UNC79: variants seen among roughly 807,000 people sequenced by gnomAD.
UNC79 encodes the protein unc-79 subunit of NALCN channel complex.
A neutral mutation model predicts 283.1 loss-of-function variants in UNC79; 37 were observed. The observed-to-expected ratio is 0.13, with a 90% CI of 0.10 to 0.17. UNC79 has a LOEUF of 0.17. Ranked by LOEUF, UNC79 falls within the 10% of genes least tolerant of loss-of-function variation. The probability of loss-of-function intolerance (pLI) is 1.00; values close to 1 mark genes in which losing one functional copy is unlikely to be tolerated. For missense variants in UNC79, 2,272 were observed against 3,211.1 expected, an observed-to-expected ratio of 0.71 and a Z score of 7.07; for synonymous variants, 1,107 against 1,200.2, an observed-to-expected ratio of 0.92 and a Z score of 1.61.
chr14:93,675,439 T>C (rs1305972178), intron 41 of UNC79, among the ~76,000 whole-genome samples: 1 of 151,768 alleles, frequency 6.6e-6, no homozygotes, highest in African/African-American at 2.4e-5. Context: ...AATTTAGCAA[T>C]TGAAGTTGAC....
chr14:93,603,461 T>A (rs769254502), intron 26 of UNC79, 43 bp downstream of exon 26: 1 of 1,592,460 alleles, frequency 6.3e-7, no homozygotes, highest in Non-Finnish European at 8.6e-7. Context: ...CTGTTTAATG[T>A]CTTTCTGAGG....
intron 1 of UNC79, among the ~76,000 whole-genome samples, chr14:93,463,966 G>A (rs948739350): frequency 5.3e-5 from 8 of 152,114 alleles, no homozygotes; most frequent in East Asian, 1.9e-4. Flanking sequence ...TGGCTAACAC[G>A]GTGAAACCCC....
intron 4 of UNC79, among the ~76,000 whole-genome samples, chr14:93,481,489 AT>A (rs2058139046): frequency 6.6e-6 from 1 of 152,190 alleles, no homozygotes; most frequent in South Asian, 2.1e-4. Context: ...AAGCTGAACA[AT>A]TATATCAGCT....
chr14:93,604,754 A>C (rs372631985), intron 26 of UNC79, 142 bp from the exon 27 acceptor site: 1 of 833,076 alleles, frequency 1.2e-6, no homozygotes, highest in Non-Finnish European at 1.7e-6. Flanking sequence ...CGTTTGTTAC[A>C]TAAACAACTT....
At chr14:93,547,557 C>T (rs1329538503) in intron 14 of UNC79, among the ~76,000 whole-genome samples, 1 of 152,126 alleles carries the variant, frequency 6.6e-6, no homozygotes, top group African/African-American at 2.4e-5. Flanking sequence ...ATTTATTTAA[C>T]CTATATGACA....
At chr14:93,696,786 T>A (rs571246211) in intron 47 of UNC79, among the ~76,000 whole-genome samples, 7 of 152,334 alleles carry the variant, frequency 4.6e-5, no homozygotes, top group African/African-American at 1.7e-4. Flanking sequence ...ATTTACCAAT[T>A]TTTTTCTTTT....
intron 1 of UNC79, among the ~76,000 whole-genome samples, chr14:93,412,330 A>C (rs1307418883): frequency 6.6e-6 from 1 of 152,086 alleles, no homozygotes; most frequent in Non-Finnish European, 1.5e-5. Flanking sequence ...TATTGGCCTT[A>C]AAGAGGAGGT....
chr14:93,464,439 C>G, intron 1 of UNC79: 2 of 440,874 alleles, frequency 4.5e-6, no homozygotes, highest in South Asian at 3.2e-5. Context: ...CTTAAAAGGA[C>G]AGCAGTCAGA....
At chr14:93,600,449 GT>G in intron 24 of UNC79, 119 bp from the exon 25 acceptor site, 2 of 650,374 alleles carry the variant, frequency 3.1e-6, no homozygotes, top group Non-Finnish European at 5.1e-6. Flanking sequence ...TACATTATAA[GT>G]TTGAATTGAG....
chr14:93,491,333 TTATA>T (rs548135483), intron 5 of UNC79, among the ~76,000 whole-genome samples: 2 of 151,782 alleles, frequency 1.3e-5, no homozygotes, highest in African/African-American at 4.8e-5. Context: ...AAATTATATC[TTATA>T]TATCTGTCTG....
chr14:93,454,305 A>C (rs998264464), intron 1 of UNC79, among the ~76,000 whole-genome samples: 1 of 152,174 alleles, frequency 6.6e-6, no homozygotes, highest in Non-Finnish European at 1.5e-5. Flanking sequence ...TCAGCCTCCC[A>C]AAGTGCTGGG....
intron 7 of UNC79, among the ~76,000 whole-genome samples, chr14:93,499,979 T>C (rs889587375): frequency 1.3e-5 from 2 of 151,884 alleles, no homozygotes; most frequent in Non-Finnish European, 2.9e-5. Flanking sequence ...TAGCCAGACA[T>C]TGGAGTGAGA....
intron 16 of UNC79, 130 bp downstream of exon 16, chr14:93,572,946 C>A (rs1042243557): frequency 2.5e-6 from 3 of 1,181,854 alleles, no homozygotes; most frequent in Non-Finnish European, 3.5e-6. Flanking sequence ...GAAAGTGTAT[C>A]TCCTATGCAT....
chr14:93,686,676 A>G lies in UNC79; in HGVS notation c.6909+15A>G. The G allele has an allele frequency of 6.2e-7, 1 of 1,613,876 alleles. No individual in the cohort carries two copies. The highest frequency in any genetic ancestry group is 8.5e-7 in the Non-Finnish European group (1 of 1,179,882). Reference sequence around the variant, plus strand: ...CCAAACTGAAGGTGAGATGACCGCCACCTGCTCATCCCTCAGGTTCACAAA... The same window carrying G: ...CCAAACTGAAGGTGAGATGACCGCCGCCTGCTCATCCCTCAGGTTCACAAA... On this transcript the variant is annotated intron_variant, in intron 43 of 48. Coordinates refer to ENST00000555664, the Ensembl canonical transcript of UNC79.
At chr14:93,632,094 A>G (rs2068077071) in intron 31 of UNC79, among the ~76,000 whole-genome samples, 1 of 152,250 alleles carries the variant, frequency 6.6e-6, no homozygotes, top group South Asian at 2.1e-4. Context: ...TCAAATATCT[A>G]CTAAGTGATA....
chr14:93,578,960 A>G (rs1053338159), intron 18 of UNC79, among the ~76,000 whole-genome samples: 1 of 152,004 alleles, frequency 6.6e-6, no homozygotes, highest in Non-Finnish European at 1.5e-5. Context: ...CATGTCCTTG[A>G]CTTTTTTTTA....
chr14:93,582,072 T>G, intron 19 of UNC79, 131 bp from the exon 20 acceptor site: 1 of 1,383,662 alleles, frequency 7.2e-7, no homozygotes, highest in Non-Finnish European at 1.0e-6. Flanking sequence ...GTGTGGTGCC[T>G]TGGCCTCTGG....
In UNC79 at chr14:93,532,451, C is replaced by T. The variant is rs1463942318; in HGVS notation, c.1094-99C>T. 6.5e-6 allele frequency: 9 copies of T among 1,384,068 alleles called. No individual in the cohort carries two copies. The East Asian group carries it at 2.0e-4, about 31-fold the overall frequency. The allele number at this position is 1,384,068 out of a possible 1,614,324, so 85.7% of individuals were successfully genotyped here. ...TGCCATTGCACTCCAGCCTGATTGA[C>T]AGAGTGAGCCACTGTCTCAAAAAAT... On this transcript the variant is annotated intron_variant, in intron 10 of 48. Transcript: ENST00000555664.
chr14:93,460,407 G>C (rs537203524), intron 1 of UNC79, among the ~76,000 whole-genome samples: 1 of 151,632 alleles, frequency 6.6e-6, no homozygotes, highest in African/African-American at 2.4e-5. Flanking sequence ...CTACTCAGGA[G>C]GCTGAGGCAG....
Sources: gnomAD v4.1 joint callset for allele counts (sites outside exome capture counted in the v4.1 genomes callset) on GRCh38, gnomAD v4.1.1 for gene constraint, MANE v1.5 for transcripts, NCBI Gene and HGNC (gene_info 2026-07-23, HGNC 2026-07-21) for gene names.